CISD2: variants seen among roughly 807,000 people sequenced by gnomAD.
The protein encoded by CISD2 is CDGSH iron-sulfur domain-containing protein 2.
A neutral mutation model predicts 12.9 loss-of-function variants in CISD2; 1 was observed. The ratio of observed to expected loss-of-function variants is 0.08; its 90% CI spans 0.03 to 0.37. The LOEUF is 0.37. CISD2 is among the 10% of genes least tolerant of loss of function. The pLI is 0.99. For missense variants in CISD2, 97 were observed against 163.1 expected (o/e 0.59, Z 2.21); for synonymous variants, 50 against 60.6 (o/e 0.83, Z 0.81).
chr4:102,888,697 T>C lies in CISD2; in HGVS notation c.*1267T>C, dbSNP rs1461209548. 3 of 152,236 alleles carry C rather than the reference T, an allele frequency of 2.0e-5. No homozygotes were observed. Among genetic ancestry groups the C allele is most frequent in the Middle Eastern group, 3.2e-3 (1 of 316 alleles). 9.4% of individuals were successfully genotyped at this position (152,236 alleles called of 1,614,324 possible). A position where few individuals can be genotyped will look rare whatever the true frequency, so the allele number is the denominator to read the frequency against. ...CCTGTAGTCCCAACTGCTGGGAAGATTGAGGTGGGAGGATGGCTGCAGTAC... is the reference window on the plus strand; with the variant it reads ...CCTGTAGTCCCAACTGCTGGGAAGACTGAGGTGGGAGGATGGCTGCAGTAC... On this transcript the variant is annotated 3_prime_UTR_variant, in exon 3 of 3. Transcript: ENST00000273986.
rs1189006223 is a variant in CISD2, at chr4:102,870,398, ACT to A, written c.103+1214_103+1215del. On this transcript the variant is annotated intron_variant, in intron 1 of 2. Coordinates refer to ENST00000273986, the MANE Select transcript of CISD2 (RefSeq NM_001008388.5). ...AAAGATGAAAAAAACAAACAAAAAG[ACT>A]CTGGTGGTGGGTGGTCGATAGATTT... 7.2e-5 allele frequency among the ~76,000 whole-genome samples: 11 copies of A among 152,092 alleles called. No homozygotes were observed. In the East Asian group the frequency reaches 1.7e-3, roughly 24 times the overall value.
intron 1 of CISD2, among the ~76,000 whole-genome samples, chr4:102,883,079 T>C (rs1733763027): frequency 6.6e-6 from 1 of 152,172 alleles, no homozygotes; most frequent in South Asian, 2.1e-4. Flanking sequence ...TTTTCTGTAT[T>C]TTATTATGCT....
At chr4:102,880,435 A>G (rs1464118526) in intron 1 of CISD2, among the ~76,000 whole-genome samples, 1 of 152,228 alleles carries the variant, frequency 6.6e-6, no homozygotes, top group Non-Finnish European at 1.5e-5. Context: ...AAAAAGAGAT[A>G]CATTTACCAA....
At chr4:102,884,982 A>T in intron 1 of CISD2, 1 of 488,376 alleles carries the variant, frequency 2.0e-6, no homozygotes, top group Non-Finnish European at 3.7e-6. Flanking sequence ...TTTGAAATGG[A>T]ACCTATTTCT....
At chr4:102,884,694 ATAG>A (rs1405784335) in intron 1 of CISD2, among the ~76,000 whole-genome samples, 3 of 152,218 alleles carry the variant, frequency 2.0e-5, no homozygotes, top group Non-Finnish European at 4.4e-5. Context: ...GTTCTTTAAA[ATAG>A]TAGCTTTTAC....
rs1280338858 is a variant in CISD2, at chr4:102,890,646, G to C, written c.*3216G>C. 1 of 151,920 alleles carries C rather than the reference G, an allele frequency of 6.6e-6. No individual in the cohort carries two copies. The highest frequency in any genetic ancestry group is 2.4e-5 in the African/African-American group (1 of 41,340). 9.4% of individuals were successfully genotyped at this position (151,920 alleles called of 1,614,324 possible). On this transcript the variant is annotated 3_prime_UTR_variant, in exon 3 of 3. Transcript: ENST00000273986. ...ACTTGATCTCAGGAGTACCATACCA[G>C]CTTGGGCAACGTGGTGAGATCTCAT...
At chr4:102,880,108 A>G (rs1733680736) in intron 1 of CISD2, among the ~76,000 whole-genome samples, 2 of 151,138 alleles carry the variant, frequency 1.3e-5, no homozygotes, top group South Asian at 4.2e-4. Context: ...ATGCCCAGCT[A>G]ATTTTCTGTA....
At chr4:102,869,217 C>A in intron 1 of CISD2, 30 bp downstream of exon 1, 5 of 1,584,172 alleles carry the variant, frequency 3.2e-6, no homozygotes, top group Non-Finnish European at 4.3e-6. Context: ...CAGTCCCCAT[C>A]CTTGCACGTT....
At chr4:102,869,324 G>A in intron 1 of CISD2, 137 bp downstream of exon 1, 1 of 1,229,498 alleles carries the variant, frequency 8.1e-7, no homozygotes, top group Non-Finnish European at 1.2e-6. Flanking sequence ...AGGAAGGTGG[G>A]CGCGCGCCGA....
At chr4:102,884,600 A>G (rs1466349971) in intron 1 of CISD2, among the ~76,000 whole-genome samples, 1 of 152,218 alleles carries the variant, frequency 6.6e-6, no homozygotes, top group Non-Finnish European at 1.5e-5. Context: ...AAGACAGGCT[A>G]GGTACTCCAA....
intron 1 of CISD2, among the ~76,000 whole-genome samples, chr4:102,869,998 A>C (rs76372697): frequency 5.9e-5 from 9 of 152,196 alleles, no homozygotes; most frequent in African/African-American, 2.2e-4. Flanking sequence ...AGTTATGAGC[A>C]TTTCATTGTA....
intron 1 of CISD2, among the ~76,000 whole-genome samples, chr4:102,881,572 G>T (rs1733722174): frequency 6.6e-6 from 1 of 152,182 alleles, no homozygotes; most frequent in South Asian, 2.1e-4. Context: ...TTATGTATCA[G>T]TACAAAAACA....
rs577062972 is a variant in CISD2, at chr4:102,876,337, T to C, written c.103+7150T>C. 3.9e-5 allele frequency among the ~76,000 whole-genome samples: 6 copies of C among 152,368 alleles called. No homozygotes were observed. In the East Asian group the frequency reaches 9.6e-4, roughly 24 times the overall value. On this transcript the variant is annotated intron_variant, in intron 1 of 2. Coordinates refer to ENST00000273986, the MANE Select transcript of CISD2 (RefSeq NM_001008388.5). Reference sequence around the variant, plus strand: ...TTAGTTGTTTACTGAAGTCCTGTTATGTGCAAATTACTAAGCACTGGTTAC... The same window carrying C: ...TTAGTTGTTTACTGAAGTCCTGTTACGTGCAAATTACTAAGCACTGGTTAC...
At chr4:102,872,028 G>A (rs749038340) in intron 1 of CISD2, among the ~76,000 whole-genome samples, 6 of 152,110 alleles carry the variant, frequency 3.9e-5, no homozygotes, top group Non-Finnish European at 8.8e-5. Context: ...TCAAGAGTGA[G>A]GCGTTCAAGA....
intron 1 of CISD2, among the ~76,000 whole-genome samples, chr4:102,884,721 G>T (rs1190697252): frequency 6.6e-6 from 1 of 152,148 alleles, no homozygotes; most frequent in Admixed American, 6.6e-5. Context: ...AAATTTCAGT[G>T]TTCTTTAGCA....
chr4:102,883,787 T>C (rs540461080), intron 1 of CISD2, among the ~76,000 whole-genome samples: 69 of 152,364 alleles, frequency 4.5e-4, no homozygotes, highest in African/African-American at 1.6e-3. Context: ...AAGATTATAT[T>C]CCTGAAGATT....
At chr4:102,883,635 C>CA (rs1203387325) in intron 1 of CISD2, among the ~76,000 whole-genome samples, 1 of 152,172 alleles carries the variant, frequency 6.6e-6, no homozygotes, top group African/African-American at 2.4e-5. Context: ...CTTCTCCCCG[C>CA]AAAAACAGTT....
intron 1 of CISD2, among the ~76,000 whole-genome samples, chr4:102,876,562 A>G (rs1733597800): frequency 6.6e-6 from 1 of 152,208 alleles, no homozygotes; most frequent in African/African-American, 2.4e-5. Flanking sequence ...ATCCTGGTCA[A>G]CATGGTGAAA....
At chr4:102,874,714 C>T (rs750199936) in intron 1 of CISD2, 11 of 152,148 alleles carry the variant, frequency 7.2e-5, no homozygotes, top group Non-Finnish European at 1.0e-4. Context: ...AAAAAGAAAA[C>T]GAAAATGCAA....
Sources: allele counts gnomAD v4.1 joint callset (sites outside exome capture counted in the v4.1 genomes callset), GRCh38; gene constraint gnomAD v4.1.1; transcripts MANE v1.5; gene names NCBI Gene and HGNC (gene_info 2026-07-23, HGNC 2026-07-21).